The following NAA11 variants were observed in gnomAD, a reference collection of about 807,000 sequenced individuals.
NAA11 encodes N-alpha-acetyltransferase 11, NatA catalytic subunit, also known as N-alpha-acetyltransferase 11.
In NAA11, 15 loss-of-function variants were observed where a neutral mutation model predicts 16.1. The observed-to-expected ratio is 0.93, with a 90% CI of 0.62 to 1.44. NAA11 has a LOEUF of 1.44. NAA11 is among the 40% of genes most tolerant of loss of function. The probability of loss-of-function intolerance (pLI) is 0.00; values close to 1 mark genes in which losing one functional copy is unlikely to be tolerated. For missense variants in NAA11, 298 were observed against 291.3 expected (o/e 1.02, Z -0.17); for synonymous variants, 122 against 112.4 (o/e 1.09, Z -0.54).
chr4:79,268,519 T>G (rs553293270), intron 2 of NAA11, among the ~76,000 whole-genome samples: 8 of 152,058 alleles, frequency 5.3e-5, no homozygotes, highest in Non-Finnish European at 8.8e-5. Flanking sequence ...GAGTAAAGAG[T>G]CTGTGTTTCA....
chr4:79,309,598 G>C (rs183617959), intron 1 of NAA11, among the ~76,000 whole-genome samples: 4 of 151,846 alleles, frequency 2.6e-5, no homozygotes, highest in Non-Finnish European at 4.4e-5. Context: ...TTGAAAACAG[G>C]GTATGGAAAT....
At chr4:79,200,150 A>G in the NAA11 span, among the ~76,000 whole-genome samples, 1 of 151,998 alleles carries the variant, frequency 6.6e-6, no homozygotes, top group South Asian at 2.1e-4. Context: ...CCAGACATTT[A>G]CTAGTTGTGT....
At chr4:79,312,798 G>A (rs1723817527), downstream of NAA11, among the ~76,000 whole-genome samples, 1 of 152,078 alleles carries the variant, frequency 6.6e-6, no homozygotes, top group Non-Finnish European at 1.5e-5. Context: ...CCAGTTTACT[G>A]AAGTTTTCGA....
At chr4:79,260,790 C>G (rs774835103) in intron 2 of NAA11, among the ~76,000 whole-genome samples, 3 of 152,192 alleles carry the variant, frequency 2.0e-5, no homozygotes, top group Admixed American at 6.5e-5. Context: ...TAGTTTATTT[C>G]TCCATTTCTA....
intron 1 of NAA11, among the ~76,000 whole-genome samples, chr4:79,322,475 T>C (rs893724828): frequency 3.5e-5 from 5 of 143,316 alleles, no homozygotes; most frequent in Non-Finnish European, 6.0e-5. Flanking sequence ...TTTGAATTCA[T>C]CAGTTTTATA....
At chr4:79,200,496 A>T in the NAA11 span, among the ~76,000 whole-genome samples, 1 of 151,788 alleles carries the variant, frequency 6.6e-6, no homozygotes, top group African/African-American at 2.4e-5. Context: ...TAAAATGGGA[A>T]CTTGACCTGT....
At position 79,325,299 on chromosome 4, in the gene NAA11, CT is replaced by C. The variant is rs1281458030; in HGVS notation, c.578del (p.Gln193ArgfsTer55). On this transcript the variant is annotated frameshift_variant, in exon 1 of 2. Transcript: ENST00000286794. LOFTEE classifies it high-confidence loss of function. Reference protein sequence around the residue: ...STLSDSEEACQQKNPATEESG... With the variant: ...STLSDSEEACXQKNPATEESG... ...TTTCTTCGGTAGCCGGGTTCTTTTG[CT>C]GACAGGCCTCTTCAGAATCAGAAAG... is the stretch of plus-strand genomic sequence containing the variant. 6.2e-7 allele frequency: 1 copy of C among 1,613,940 alleles called. No homozygotes were observed. The highest frequency in any genetic ancestry group is 1.7e-5 in the Admixed American group (1 of 60,012).
At chr4:79,293,676 T>A (rs1405768661) in intron 2 of NAA11, among the ~76,000 whole-genome samples, 1 of 152,154 alleles carries the variant, frequency 6.6e-6, no homozygotes, top group Non-Finnish European at 1.5e-5. Context: ...ATAAAATGAA[T>A]TAAACTCAAT....
At chr4:79,172,476 C>T in the NAA11 span, among the ~76,000 whole-genome samples, 1 of 152,206 alleles carries the variant, frequency 6.6e-6, no homozygotes, top group African/African-American at 2.4e-5. Context: ...AGATGCCAGG[C>T]AGCTATTTAT....
chr4:79,187,198 G>A, the NAA11 span, among the ~76,000 whole-genome samples: 4 of 152,058 alleles, frequency 2.6e-5, no homozygotes, highest in Non-Finnish European at 4.4e-5. Flanking sequence ...CTCAGAGCCC[G>A]AGTCTGGGCT....
At chr4:79,309,789 C>A (rs1723710144) in intron 1 of NAA11, among the ~76,000 whole-genome samples, 2 of 136,758 alleles carry the variant, frequency 1.5e-5, no homozygotes, top group Non-Finnish European at 1.5e-5. Context: ...AATCTCGGCT[C>A]ACTGCAACCT....
chr4:79,314,695 A>C (rs1485077710), downstream of NAA11, among the ~76,000 whole-genome samples: 1 of 148,438 alleles, frequency 6.7e-6, no homozygotes, highest in East Asian at 2.0e-4. Flanking sequence ...ATCCTGTCAA[A>C]TGTTGTCAGC....
intron 2 of NAA11, among the ~76,000 whole-genome samples, chr4:79,253,786 G>A (rs1722045076): frequency 2.0e-5 from 3 of 152,196 alleles, no homozygotes; most frequent in Admixed American, 6.5e-5. Context: ...AGTGATATTA[G>A]AAAATGTGCT....
exon 3 of NAA11, chr4:79,225,894 A>G (rs968889248): frequency 2.6e-5 from 4 of 152,122 alleles, no homozygotes; most frequent in East Asian, 1.9e-4. Context: ...TCTGTCTTAT[A>G]GCATCTTATA....
exon 3 of NAA11, chr4:79,225,842 C>T (rs562035294): frequency 2.9e-4 from 44 of 152,074 alleles, no homozygotes; most frequent in African/African-American, 1.1e-3. Context: ...GGGGATCTCC[C>T]GTTAAAAAGC....
downstream of NAA11, among the ~76,000 whole-genome samples, chr4:79,224,680 A>G (rs1307720247): frequency 3.9e-5 from 6 of 152,082 alleles, no homozygotes; most frequent in Admixed American, 2.6e-4. Context: ...GCAATATGTT[A>G]TGAAGGGATT....
the NAA11 span, among the ~76,000 whole-genome samples, chr4:79,156,596 C>A: frequency 3.3e-5 from 5 of 152,074 alleles, no homozygotes; most frequent in Non-Finnish European, 7.3e-5. Flanking sequence ...TTATGAAGGG[C>A]AATCTTCTTT....
intron 1 of NAA11, among the ~76,000 whole-genome samples, chr4:79,307,460 G>A (rs1236598302): frequency 6.6e-6 from 1 of 151,948 alleles, no homozygotes; most frequent in East Asian, 1.9e-4. Context: ...TTTTTATATG[G>A]TAGAATATGA....
the NAA11 span, among the ~76,000 whole-genome samples, chr4:79,167,622 C>T: frequency 1.3e-5 from 2 of 151,976 alleles, no homozygotes; most frequent in East Asian, 3.9e-4. Flanking sequence ...AGTATCAGTC[C>T]ATTCTCTCAT....
Sources: allele counts gnomAD v4.1 joint callset (sites outside exome capture counted in the v4.1 genomes callset), GRCh38; gene constraint gnomAD v4.1.1; transcripts MANE v1.5; gene names NCBI Gene and HGNC (gene_info 2026-07-23, HGNC 2026-07-21).